The following NEIL2 variants were observed in gnomAD, a reference collection of about 807,000 sequenced individuals.
The protein encoded by NEIL2 is nei like DNA glycosylase 2, also known as endonuclease 8-like 2.
NEIL2 carries 23 observed loss-of-function variants against 22.2 expected under a neutral mutation model. That is an observed-to-expected ratio of 1.04 (90% CI 0.75 to 1.47). The LOEUF is 1.47. Ranked by LOEUF, NEIL2 falls within the 40% of genes most tolerant of loss-of-function variation. The pLI is 0.00. For missense variants in NEIL2, 583 were observed against 404.7 expected (o/e 1.44, Z -3.78); for synonymous variants, 229 against 164.8 (o/e 1.39, Z -2.99).
chr8:11,782,738 T>C (rs1250621843), intron 3 of NEIL2: 1 of 249,180 alleles, frequency 4.0e-6, no homozygotes, highest in African/African-American at 2.2e-5. Context: ...TATGTGTGTA[T>C]GATCCAGCCA....
Position 11,783,335 on chromosome 8 carries a change from A to C in NEIL2, c.624A>C (p.Glu208Asp). ...SEKFHRGQALEALGQAQPVCY... is the reference protein window; with the variant it reads ...SEKFHRGQALDALGQAQPVCY... ...AGTTCCATCGAGGACAAGCCTTAGA[A>C]GCTCTAGGCCAGGCTCAGCCTGTCT... Residue 208 changes from glutamate to aspartate, a missense_variant, in exon 4 of 5, where the codon GAA becomes GAC. Glu to Asp is a conservative substitution (Grantham distance 45). Coordinates refer to ENST00000284503, the MANE Select transcript of NEIL2 (RefSeq NM_145043.4). 6.2e-7 allele frequency: 1 copy of C among 1,614,196 alleles called. No homozygotes were observed. The highest frequency in any genetic ancestry group is 8.5e-7 in the Non-Finnish European group (1 of 1,180,030).
intron 4 of NEIL2, among the ~76,000 whole-genome samples, chr8:11,785,416 G>C (rs1014932953): frequency 2.6e-5 from 4 of 151,972 alleles, no homozygotes; most frequent in Non-Finnish European, 4.4e-5. Context: ...GGCTGATCTT[G>C]AACTCCTGGC....
At chr8:11,771,800 A>T (rs1261110824) in intron 2 of NEIL2, among the ~76,000 whole-genome samples, 1 of 152,188 alleles carries the variant, frequency 6.6e-6, no homozygotes, top group Non-Finnish European at 1.5e-5. Flanking sequence ...GATGAGCTGG[A>T]GACCCCGATT....
intron 3 of NEIL2, among the ~76,000 whole-genome samples, chr8:11,780,568 G>A (rs959080316): frequency 1.3e-5 from 2 of 152,048 alleles, no homozygotes; most frequent in South Asian, 2.1e-4. Context: ...TAATAGAGAC[G>A]GGGTTTCACC....
chr8:11,776,414 C>G (rs1271487447), intron 2 of NEIL2, among the ~76,000 whole-genome samples: 1 of 152,212 alleles, frequency 6.6e-6, no homozygotes, highest in Admixed American at 6.5e-5. Context: ...CCATATCACA[C>G]ATTTTATGGT....
intron 4 of NEIL2, among the ~76,000 whole-genome samples, chr8:11,784,790 G>C (rs1054620525): frequency 4.6e-5 from 7 of 152,210 alleles, no homozygotes; most frequent in African/African-American, 1.2e-4. Flanking sequence ...GCTTCACAGA[G>C]AATGAGGCAG....
chr8:11,785,656 A>G (rs1804852692), intron 4 of NEIL2, among the ~76,000 whole-genome samples: 1 of 152,200 alleles, frequency 6.6e-6, no homozygotes, highest in Non-Finnish European at 1.5e-5. Context: ...GGAGCTTGTC[A>G]GGGTCACGTG....
chr8:11,772,034 C>T (rs1342382048), intron 2 of NEIL2, among the ~76,000 whole-genome samples: 1 of 152,094 alleles, frequency 6.6e-6, no homozygotes, highest in Non-Finnish European at 1.5e-5. Flanking sequence ...GAAACCCCGT[C>T]TCTACTAAAA....
intron 3 of NEIL2, among the ~76,000 whole-genome samples, chr8:11,781,859 AG>A (rs1447235767): frequency 6.6e-6 from 1 of 152,084 alleles, no homozygotes; most frequent in Admixed American, 6.5e-5. Flanking sequence ...CAGGAGTAAG[AG>A]ACTAGCCTGG....
intron 2 of NEIL2, among the ~76,000 whole-genome samples, chr8:11,776,184 G>A (rs1239583917): frequency 6.6e-6 from 1 of 152,234 alleles, no homozygotes; most frequent in African/African-American, 2.4e-5. Flanking sequence ...CAAAGGAGAA[G>A]CAAAGGCATG....
intron 3 of NEIL2, 164 bp from the exon 4 acceptor site, chr8:11,783,039 C>T (rs527305023): frequency 1.0e-5 from 7 of 696,922 alleles, no homozygotes; most frequent in African/African-American, 9.1e-5. Context: ...ACTGTGGTAA[C>T]GATGTGGGGA....
chr8:11,771,034 C>G (rs964050555), intron 1 of NEIL2, among the ~76,000 whole-genome samples: 1 of 152,190 alleles, frequency 6.6e-6, no homozygotes, highest in South Asian at 2.1e-4. Flanking sequence ...GTCAGAATGG[C>G]TGTTTTTTGA....
At chr8:11,776,133 A>G (rs1416779200) in intron 2 of NEIL2, among the ~76,000 whole-genome samples, 2 of 152,246 alleles carry the variant, frequency 1.3e-5, no homozygotes, top group Non-Finnish European at 2.9e-5. Flanking sequence ...TGGACTCACA[A>G]TTCCACATGT....
intron 2 of NEIL2, among the ~76,000 whole-genome samples, chr8:11,771,807 G>A (rs1242994839): frequency 1.3e-5 from 2 of 152,156 alleles, no homozygotes; most frequent in African/African-American, 2.4e-5. Context: ...TGGAGACCCC[G>A]ATTCAGAGGG....
chr8:11,776,856 A>G (rs919305493), intron 2 of NEIL2, among the ~76,000 whole-genome samples: 17 of 150,992 alleles, frequency 1.1e-4, no homozygotes, highest in African/African-American at 4.1e-4. Context: ...TTCTGGGGGG[A>G]CTTTGTATCT....
rs1247118448 is a variant in NEIL2, at chr8:11,769,795, A to G, written c.-543A>G. On this transcript the variant is annotated 5_prime_UTR_variant, in exon 1 of 5. Coordinates refer to ENST00000284503, the MANE Select transcript of NEIL2 (RefSeq NM_145043.4). ...ACGTGCCACCCACCCGGAGCCGGTG[A>G]GTGCAGCCGCCCGCCCTCCGGTAGA... 6.6e-6 allele frequency: 1 copy of G among 152,248 alleles called. No homozygotes were observed. The highest frequency in any genetic ancestry group is 2.1e-4 in the South Asian group (1 of 4,840). The allele number at this position is 152,248 out of a possible 1,614,324, so 9.4% of individuals were successfully genotyped here.
At chr8:11,785,397 T>C (rs990405419) in intron 4 of NEIL2, among the ~76,000 whole-genome samples, 3 of 152,048 alleles carry the variant, frequency 2.0e-5, no homozygotes, top group Non-Finnish European at 4.4e-5. Context: ...GGTTTCACCA[T>C]GTTGTCCAGG....
intron 4 of NEIL2, among the ~76,000 whole-genome samples, chr8:11,785,652 T>C (rs1804852398): frequency 6.6e-6 from 1 of 152,152 alleles, no homozygotes; most frequent in Non-Finnish European, 1.5e-5. Context: ...CTGAGGAGCT[T>C]GTCAGGGTCA....
Position 11,786,082 on chromosome 8 carries a change from G to C in NEIL2, c.808G>C (p.Ala270Pro). 2 of 1,614,200 alleles carry C rather than the reference G, an allele frequency of 1.2e-6. No individual in the cohort carries two copies. The highest frequency in any genetic ancestry group is 2.2e-5 in the East Asian group (1 of 44,886). ...LVDHVVEFST[A>P]WLQGKFQGRP... ...GGATCACGTGGTGGAGTTCAGTACA[G>C]CCTGGCTGCAGGGCAAGTTCCAAGG... The change falls in exon 5 of 5, where the codon GCC becomes CCC. Residue 270 changes from alanine to proline, a missense_variant. Transcript: ENST00000284503.
Sources: gnomAD v4.1 joint callset for allele counts (sites outside exome capture counted in the v4.1 genomes callset) on GRCh38, gnomAD v4.1.1 for gene constraint, MANE v1.5 for transcripts, NCBI Gene and HGNC (gene_info 2026-07-23, HGNC 2026-07-21) for gene names.